The following C1orf94 variants were observed in gnomAD, a reference collection of about 807,000 sequenced individuals.
C1orf94 encodes the protein uncharacterized protein C1orf94.
A neutral mutation model predicts 53.6 loss-of-function variants in C1orf94; 45 were observed. That is an observed-to-expected ratio of 0.84 (90% CI 0.66 to 1.08). The LOEUF is 1.08. C1orf94 is among the 50% of genes least tolerant of loss of function. The pLI is 0.00. For missense variants in C1orf94, 762 were observed against 738.9 expected (o/e 1.03, Z -0.36); for synonymous variants, 304 against 296.1 (o/e 1.03, Z -0.27).
intron 1 of C1orf94, among the ~76,000 whole-genome samples, chr1:34,178,448 C>T (rs370738070): frequency 9.9e-5 from 15 of 152,182 alleles, no homozygotes; most frequent in African/African-American, 3.6e-4. Flanking sequence ...CCAGAAGCAA[C>T]TAGAAGATCC....
At chr1:34,194,900 T>C (rs545230804) in intron 1 of C1orf94, among the ~76,000 whole-genome samples, 11 of 152,320 alleles carry the variant, frequency 7.2e-5, no homozygotes, top group African/African-American at 2.2e-4. Context: ...CTGACTCCTG[T>C]GACTTGAGAC....
In C1orf94 at chr1:34,197,617, A is replaced by C. The variant is rs763185562; in HGVS notation, c.713A>C (p.Lys238Thr). Reference sequence around the variant, plus strand: ...GGTGACTCCAACTTGCAAGTCAGCAAGCTTCTGTCCCAGTTCCCACTGAAG... The same window carrying C: ...GGTGACTCCAACTTGCAAGTCAGCACGCTTCTGTCCCAGTTCCCACTGAAG... ...ILGDSNLQVS[K>T]LLSQFPLKST... The change falls in exon 2 of 7, where the codon AAG (lysine) becomes ACG (threonine). Residue 238 changes from lysine to threonine, a missense_variant. Lys to Thr is a moderately conservative substitution (Grantham distance 78). Coordinates refer to ENST00000488417, the MANE Select transcript of C1orf94 (RefSeq NM_001134734.2). The surrounding 1 kb of genome is among the most constrained non-coding windows in gnomAD (Gnocchi z 4.1). 3 of 1,614,060 alleles carry C rather than the reference A, an allele frequency of 1.9e-6. No individual in the cohort carries two copies. The African/African-American group carries it at 4.0e-5, about 22-fold the overall frequency.
chr1:34,206,430 C>A (rs1242323279), intron 4 of C1orf94, among the ~76,000 whole-genome samples: 1 of 152,200 alleles, frequency 6.6e-6, no homozygotes, highest in Non-Finnish European at 1.5e-5. Context: ...CTCTGGTCAC[C>A]CTCTAAGAGG....
At chr1:34,213,083 C>A (rs1417782624) in intron 6 of C1orf94, among the ~76,000 whole-genome samples, 1 of 152,162 alleles carries the variant, frequency 6.6e-6, no homozygotes, top group African/African-American at 2.4e-5. Context: ...TCATTCCCAC[C>A]CACCAAATCT....
chr1:34,218,558 C>T, intron 6 of C1orf94, 128 bp from the exon 7 acceptor site: 2 of 606,864 alleles, frequency 3.3e-6, no homozygotes, highest in Non-Finnish European at 5.3e-6. Flanking sequence ...ATGCCAAAGC[C>T]TTTACCCTCC....
chr1:34,183,458 A>G (rs534700771), intron 1 of C1orf94, among the ~76,000 whole-genome samples: 3 of 152,352 alleles, frequency 2.0e-5, no homozygotes, highest in East Asian at 3.9e-4. Context: ...AGGCTGTATG[A>G]TGGGTCCCAG....
Position 34,201,019 on chromosome 1 carries a change from G to C in C1orf94, c.1257G>C (p.Gly419=), listed in dbSNP as rs1308713572. ...PRLRNKVEVD[G]PELKFNAPVT... Reference sequence around the variant, plus strand: ...TTCGAAACAAAGTGGAAGTGGATGGGCCGGAGCTGAAATGTGAGCTGACCT... The same window carrying C: ...TTCGAAACAAAGTGGAAGTGGATGGCCCGGAGCTGAAATGTGAGCTGACCT... Residue 419 remains glycine, a synonymous_variant, in exon 3 of 7, where the codon GGG becomes GGC. Transcript: ENST00000488417. The C allele has an allele frequency of 1.3e-6, 2 of 1,595,162 alleles. No homozygotes were observed. Among genetic ancestry groups the C allele is most frequent in the African/African-American group, 1.3e-5 (1 of 74,596 alleles).
intron 6 of C1orf94, 75 bp downstream of exon 6, chr1:34,212,481 C>A: frequency 7.1e-7 from 1 of 1,411,182 alleles, no homozygotes; most frequent in Non-Finnish European, 9.6e-7. Flanking sequence ...GGTGGGCTTA[C>A]CAGCGCTTTC....
rs1642684988 is a variant in C1orf94, at chr1:34,200,505, G to A, written c.1010-267G>A. Among the ~76,000 whole-genome samples, 3 of 152,296 alleles carry A rather than the reference G, an allele frequency of 2.0e-5. No homozygotes were observed. In the South Asian group the frequency reaches 6.2e-4, roughly 32 times the overall value. On this transcript the variant is annotated intron_variant, in intron 2 of 6. Transcript: ENST00000488417. ...GGATGGATGGATAAGTAGACGGATA[G>A]AAGGAAGAAAGGCAAAGATGATGGA...
At chr1:34,184,817 C>T (rs1642360835) in intron 1 of C1orf94, among the ~76,000 whole-genome samples, 1 of 151,982 alleles carries the variant, frequency 6.6e-6, no homozygotes, top group Non-Finnish European at 1.5e-5. Flanking sequence ...AATACATAGC[C>T]TCTTTTGTTT....
upstream of C1orf94, among the ~76,000 whole-genome samples, chr1:34,172,192 G>A (rs940964003): frequency 2.6e-5 from 4 of 152,218 alleles, no homozygotes; most frequent in African/African-American, 9.6e-5. Context: ...AACCAAAGCA[G>A]GAGGAAAGCC....
At chr1:34,173,833 G>A (rs574016590), upstream of C1orf94, among the ~76,000 whole-genome samples, 1 of 152,312 alleles carries the variant, frequency 6.6e-6, no homozygotes, top group East Asian at 1.9e-4. Flanking sequence ...ACCATTAAAT[G>A]CTTCACTTTA....
Position 34,197,900 on chromosome 1 carries a change from G to T in C1orf94, c.996G>T (p.Arg332Ser). 6.2e-7 allele frequency: 1 copy of T among 1,613,362 alleles called. No homozygotes were observed. The highest frequency in any genetic ancestry group is 8.5e-7 in the Non-Finnish European group (1 of 1,179,566). The change falls in exon 2 of 7, where the codon AGG (arginine) becomes AGT (serine). Residue 332 changes from arginine (R) to serine (S), a missense_variant. Physicochemically the swap from Arg to Ser is moderately radical, Grantham distance 110. Coordinates refer to ENST00000488417, the MANE Select transcript of C1orf94 (RefSeq NM_001134734.2). The surrounding 1 kb of genome is among the most constrained non-coding windows in gnomAD (Gnocchi z 4.1). ...CCAAGGCTGACCCTGCTGTGGAGAG[G>T]CACCACTTGATGGGTGAGTGGGGTT... ...SKPKADPAVE[R>S]HHLMEWSPGT...
chr1:34,213,236 A>T (rs1329907823), intron 6 of C1orf94, among the ~76,000 whole-genome samples: 2 of 152,278 alleles, frequency 1.3e-5, no homozygotes, highest in Admixed American at 1.3e-4. Flanking sequence ...CCAGCCTGAC[A>T]GTGATTCCCA....
At chr1:34,201,242 G>T (rs1642702697) in intron 3 of C1orf94, among the ~76,000 whole-genome samples, 1 of 152,092 alleles carries the variant, frequency 6.6e-6, no homozygotes, top group Non-Finnish European at 1.5e-5. Context: ...GGCTTTCAAG[G>T]GTCACGTCAG....
chr1:34,185,785 C>T (rs1642375947), intron 1 of C1orf94, among the ~76,000 whole-genome samples: 1 of 152,258 alleles, frequency 6.6e-6, no homozygotes, highest in Admixed American at 6.5e-5. Flanking sequence ...ACTGCTCAGA[C>T]ATCTCTCATG....
intron 1 of C1orf94, among the ~76,000 whole-genome samples, chr1:34,190,838 T>C (rs1461941070): frequency 6.6e-5 from 10 of 152,194 alleles, no homozygotes; most frequent in Non-Finnish European, 1.5e-4. Context: ...AAGCTTTTGA[T>C]ATATAACAAA....
chr1:34,213,375 A>T (rs575065412), intron 6 of C1orf94, among the ~76,000 whole-genome samples: 2 of 152,328 alleles, frequency 1.3e-5, no homozygotes, highest in Admixed American at 6.5e-5. Context: ...TGGTTTCAGT[A>T]GTCAGATCTG....
intron 1 of C1orf94, among the ~76,000 whole-genome samples, chr1:34,189,697 CTGGGG>C (rs764436155): frequency 2.6e-5 from 4 of 152,198 alleles, no homozygotes; most frequent in Non-Finnish European, 5.9e-5. Flanking sequence ...CTCTCCTAGC[CTGGGG>C]CCTTTGGTGA....
Sources: allele counts gnomAD v4.1 joint callset (sites outside exome capture counted in the v4.1 genomes callset), GRCh38; gene constraint gnomAD v4.1.1; non-coding constraint Gnocchi (gnomAD v3.1); transcripts MANE v1.5; gene names NCBI Gene and HGNC (gene_info 2026-07-23, HGNC 2026-07-21).